The following ICA1L variants were observed in gnomAD, a reference collection of about 807,000 sequenced individuals.
ICA1L encodes islet cell autoantigen 1 like.
Under a neutral mutation model 61.3 loss-of-function variants are expected in ICA1L, and 50 were observed. That is an observed-to-expected ratio of 0.82 (90% CI 0.65 to 1.03). The LOEUF is 1.03. Among genes scored for constraint, ICA1L ranks in the 50% least tolerant of loss-of-function variants. The pLI, the probability that ICA1L is intolerant of heterozygous loss-of-function variation, is 0.00. For synonymous variants in ICA1L, 161 were observed against 191.3 expected, an observed-to-expected ratio of 0.84 and a Z score of 1.31; for missense variants, 508 against 556.7, an observed-to-expected ratio of 0.91 and a Z score of 0.88.
rs1239863162 is a variant in ICA1L at position 202,869,653 on chromosome 2, T to C, written c.-8+1966A>G. On this transcript the variant is annotated intron_variant, in intron 1 of 12. Coordinates refer to ENST00000358299, the MANE Select transcript of ICA1L (RefSeq NM_001288622.3). The stretch of plus-strand genomic sequence containing the variant: ...GTTAACAGTTGTTAATGTCGGCCTC[T>C]GTAAATATAGATATTGTGTTACTTT... 34 of 152,174 alleles carry C rather than the reference T, an allele frequency of 2.2e-4. 1 individual carries two copies. The highest frequency in any genetic ancestry group is 2.2e-3 in the Admixed American group (34 of 15,276). The allele number at this position is 152,174 out of a possible 1,614,324, so 9.4% of individuals were successfully genotyped here. A position where few individuals can be genotyped will look rare whatever the true frequency, so the allele number is the denominator to read the frequency against.
intron 12 of ICA1L, among the ~76,000 whole-genome samples, chr2:202,785,165 G>A (rs1692540215): frequency 6.6e-6 from 1 of 150,766 alleles, no homozygotes; most frequent in Admixed American, 6.6e-5. Context: ...GTTGCAGTGA[G>A]CCGAGATTGT....
At chr2:202,803,275 C>A (rs1693135058) in intron 9 of ICA1L, among the ~76,000 whole-genome samples, 1 of 151,630 alleles carries the variant, frequency 6.6e-6, no homozygotes. Flanking sequence ...GTGGTGGGTG[C>A]CTGTAATCCC....
intron 11 of ICA1L, 118 bp from the exon 12 acceptor site, chr2:202,786,125 T>TA (rs1692571364): frequency 1.2e-5 from 7 of 587,682 alleles, no homozygotes; most frequent in Non-Finnish European, 2.1e-5. Context: ...TAAGATTCTA[T>TA]AAGAGGTATA....
intron 1 of ICA1L, among the ~76,000 whole-genome samples, chr2:202,838,789 C>T (rs774469434): frequency 6.6e-6 from 1 of 152,082 alleles, no homozygotes; most frequent in Non-Finnish European, 1.5e-5. Flanking sequence ...ATGGTTCTGC[C>T]GGTTGTACAG....
chr2:202,861,927 G>A (rs1294846269), intron 1 of ICA1L, among the ~76,000 whole-genome samples: 49 of 124,424 alleles, frequency 3.9e-4, no homozygotes, highest in African/African-American at 1.4e-3. Context: ...AAAGTTTTAA[G>A]CAAGCCTCCG....
chr2:202,786,361 A>G (rs1692581002), intron 11 of ICA1L, among the ~76,000 whole-genome samples: 1 of 151,520 alleles, frequency 6.6e-6, no homozygotes, highest in Non-Finnish European at 1.5e-5. Context: ...CCTGGCTAAC[A>G]AGGTGAAACC....
In ICA1L at chr2:202,814,741, T is replaced by C. The variant is rs184412942; in HGVS notation, c.827A>G (p.Asp276Gly). ...AGTAAGAAAACCGCCTATTTGTTCA[T>C]CTTTATTGTCTTCACTAATCTTGCT... ...TPSKISEDNK[D>G]EQIGGFLTEQ... The change falls in exon 8 of 13, where the codon GAT (aspartate) becomes GGT (glycine). Residue 276 changes from aspartate to glycine, a missense_variant. By Grantham distance (94) the Asp-to-Gly change is moderately conservative. Transcript: ENST00000358299. 3 of 1,613,950 alleles carry C rather than the reference T, an allele frequency of 1.9e-6. No individual in the cohort carries two copies. The highest frequency in any genetic ancestry group is 2.5e-6 in the Non-Finnish European group (3 of 1,179,896).
At chr2:202,838,021 T>C (rs915785395) in intron 1 of ICA1L, among the ~76,000 whole-genome samples, 10 of 152,124 alleles carry the variant, frequency 6.6e-5, no homozygotes, top group Non-Finnish European at 1.3e-4. Flanking sequence ...GCCTGGCTAA[T>C]TTTTTGTATT....
rs1692254182 is a variant in ICA1L, at chr2:202,777,244, G to A, written c.*2289C>T. Reference sequence around the variant, plus strand: ...ATTTTTGTATTTTTAGTAGAGACAGGGTTTCACCATGTTGGCCAGGCTGGT... The same window carrying A: ...ATTTTTGTATTTTTAGTAGAGACAGAGTTTCACCATGTTGGCCAGGCTGGT... On this transcript the variant is annotated 3_prime_UTR_variant, in exon 13 of 13. Transcript: ENST00000358299. 2 of 151,862 alleles carry A rather than the reference G, an allele frequency of 1.3e-5. No homozygotes were observed. The highest frequency in any genetic ancestry group is 2.9e-5 in the Non-Finnish European group (2 of 68,056). 9.4% of individuals were successfully genotyped at this position (151,862 alleles called of 1,614,324 possible).
chr2:202,793,957 G>C (rs1243053690), intron 10 of ICA1L, among the ~76,000 whole-genome samples: 3 of 149,364 alleles, frequency 2.0e-5, no homozygotes, highest in African/African-American at 7.4e-5. Flanking sequence ...TTGTGCTCCA[G>C]CCGGGGCAAC....
chr2:202,777,220 T>G lies in ICA1L; in HGVS notation c.*2313A>C, dbSNP rs1249742622. 1 of 151,942 alleles carries G rather than the reference T, an allele frequency of 6.6e-6. No individual in the cohort carries two copies. The highest frequency in any genetic ancestry group is 1.5e-5 in the Non-Finnish European group (1 of 68,022). 9.4% of individuals were successfully genotyped at this position (151,942 alleles called of 1,614,324 possible). A position where few individuals can be genotyped will look rare whatever the true frequency, so the allele number is the denominator to read the frequency against. On this transcript the variant is annotated 3_prime_UTR_variant, in exon 13 of 13. Transcript: ENST00000358299. ...GGCATGTACCTCCACACCTGGCTAATTTTTGTATTTTTAGTAGAGACAGGG... is the reference window on the plus strand; with the variant it reads ...GGCATGTACCTCCACACCTGGCTAAGTTTTGTATTTTTAGTAGAGACAGGG...
chr2:202,814,785 C>T lies in ICA1L; in HGVS notation c.784-1G>A. 2 of 1,604,742 alleles carry T rather than the reference C, an allele frequency of 1.2e-6. No individual in the cohort carries two copies. The highest frequency in any genetic ancestry group is 1.7e-4 in the Middle Eastern group (1 of 6,030). On this transcript the variant is annotated splice_acceptor_variant, in intron 7 of 12. Transcript: ENST00000358299. LOFTEE classifies it high-confidence loss of function. ...TCTTGCTTGGCGTGTCTTGTAGTTG[C>T]TAAAGATAAGAAAGTCAATGTTAAG... is the stretch of plus-strand genomic sequence containing the variant.
intron 9 of ICA1L, among the ~76,000 whole-genome samples, chr2:202,802,777 A>G (rs1693117683): frequency 6.6e-6 from 1 of 152,210 alleles, no homozygotes; most frequent in East Asian, 1.9e-4. Flanking sequence ...TAATAAAACA[A>G]GAATGATGTT....
chr2:202,838,026 TG>T (rs1365128900), intron 1 of ICA1L, among the ~76,000 whole-genome samples: 4 of 152,114 alleles, frequency 2.6e-5, no homozygotes, highest in African/African-American at 7.2e-5. Flanking sequence ...GCTAATTTTT[TG>T]TATTTTTAGT....
chr2:202,813,913 C>T, intron 8 of ICA1L, among the ~76,000 whole-genome samples: 1 of 152,068 alleles, frequency 6.6e-6, no homozygotes, highest in East Asian at 1.9e-4. Flanking sequence ...GGTACCTGTC[C>T]CTTTCTTCTC....
rs550568605 is a variant in ICA1L, at chr2:202,849,864, C to T, written c.-7-20848G>A. Among the ~76,000 whole-genome samples the T allele has an allele frequency of 2.6e-5, 4 of 152,324 alleles. No individual in the cohort carries two copies. In the South Asian group the frequency reaches 8.3e-4, roughly 32 times the overall value. ...TGCCTCCTGACTGGAAGACACCTCC[C>T]AGCAGGGGTCAACAGACACCTCATA... On this transcript the variant is annotated intron_variant, in intron 1 of 12. Transcript: ENST00000358299. This position sits in a 1 kb window ranked among gnomAD's most constrained non-coding sequence, Gnocchi z 4.5.
At chr2:202,854,948 C>T (rs1026596908) in intron 1 of ICA1L, among the ~76,000 whole-genome samples, 7 of 152,106 alleles carry the variant, frequency 4.6e-5, no homozygotes, top group South Asian at 2.1e-4. Flanking sequence ...ATTCCCTGAA[C>T]CCAGGAGGCA....
chr2:202,812,301 G>A (rs748219958), intron 8 of ICA1L, among the ~76,000 whole-genome samples: 31 of 152,274 alleles, frequency 2.0e-4, no homozygotes, highest in South Asian at 1.0e-3. Context: ...AAATAGGGCC[G>A]GGTGTGGTGG....
intron 9 of ICA1L, among the ~76,000 whole-genome samples, chr2:202,800,292 A>G (rs1427929273): frequency 1.3e-5 from 2 of 152,312 alleles, no homozygotes; most frequent in Non-Finnish European, 2.9e-5. Flanking sequence ...AAGATCATAC[A>G]TATGGCAAAA....
Sources: gnomAD v4.1 joint callset for allele counts (sites outside exome capture counted in the v4.1 genomes callset) on GRCh38, gnomAD v4.1.1 for gene constraint, Gnocchi (gnomAD v3.1) non-coding constraint, MANE v1.5 for transcripts, NCBI Gene and HGNC (gene_info 2026-07-23, HGNC 2026-07-21) for gene names.